MKX: variants seen among roughly 807,000 people sequenced by gnomAD.
MKX encodes homeobox protein Mohawk.
MKX carries 13 observed loss-of-function variants against 36.0 expected under a neutral mutation model. The ratio of observed to expected loss-of-function variants is 0.36; its 90% CI spans 0.24 to 0.57. The LOEUF is 0.57. MKX is among the 20% of genes least tolerant of loss of function. The pLI is 0.79. For missense variants in MKX, 458 were observed against 456.4 expected (o/e 1.00, Z -0.03); for synonymous variants, 176 against 178.3 (o/e 0.99, Z 0.10).
rs1309641907 is a variant in MKX at position 27,725,675 on chromosome 10, A to G, written c.838+8781T>C. 6.8e-5 allele frequency among the ~76,000 whole-genome samples: 10 copies of G among 147,394 alleles called. No homozygotes were observed. In the Admixed American group the frequency reaches 6.8e-4, roughly 10 times the overall value. On this transcript the variant is annotated intron_variant, in intron 5 of 6. Coordinates refer to ENST00000419761, the MANE Select transcript of MKX (RefSeq NM_173576.3). ...AGGAAAAAACTAACTGCAACTAACAAAAAAAAAAAAGAAGGGAGAAAAGAA... is the reference window on the plus strand; with the variant it reads ...AGGAAAAAACTAACTGCAACTAACAGAAAAAAAAAAGAAGGGAGAAAAGAA...
intron 5 of MKX, among the ~76,000 whole-genome samples, chr10:27,682,664 G>A (rs1836275116): frequency 6.6e-6 from 1 of 152,160 alleles, no homozygotes; most frequent in Admixed American, 6.6e-5. Context: ...CGGATCATCA[G>A]GCATTAGTTA....
At chr10:27,690,285 C>G (rs1394009300) in intron 5 of MKX, among the ~76,000 whole-genome samples, 1 of 53,476 alleles carries the variant, frequency 1.9e-5, no homozygotes, top group Non-Finnish European at 4.3e-5. Flanking sequence ...GCCAGAGATT[C>G]ATTTGAGCCC....
At chr10:27,686,740 G>A (rs1161552748) in intron 5 of MKX, among the ~76,000 whole-genome samples, 2 of 152,126 alleles carry the variant, frequency 1.3e-5, no homozygotes, top group Admixed American at 6.5e-5. Context: ...GCCTCCCAAA[G>A]TGTTGGGATT....
chr10:27,711,473 TTCTTTCTTTC>T (rs1354854617), intron 5 of MKX, among the ~76,000 whole-genome samples: 13 of 7,022 alleles, frequency 1.9e-3, no homozygotes, highest in African/African-American at 3.0e-3. Flanking sequence ...CTTTCTTTCT[TTCTTTCTTTC>T]TCTCTCTCTC....
At chr10:27,701,820 T>G in intron 5 of MKX, among the ~76,000 whole-genome samples, 1 of 36,086 alleles carries the variant, frequency 2.8e-5, no homozygotes, top group African/African-American at 8.8e-5. Flanking sequence ...TTTGTGTGTG[T>G]GTGTGTGTAT....
chr10:27,730,506 G>A (rs1327684159), intron 5 of MKX, among the ~76,000 whole-genome samples: 1 of 148,772 alleles, frequency 6.7e-6, no homozygotes, highest in African/African-American at 2.5e-5. Context: ...CACCCAGGCT[G>A]GAGTGCAGTG....
At chr10:27,728,438 C>T (rs185537375) in intron 5 of MKX, among the ~76,000 whole-genome samples, 11 of 152,334 alleles carry the variant, frequency 7.2e-5, no homozygotes, top group Admixed American at 1.3e-4. Flanking sequence ...TCTTTTTAAA[C>T]CTTTCTTCTG....
At chr10:27,701,247 C>CA (rs1202992178) in intron 5 of MKX, among the ~76,000 whole-genome samples, 1 of 148,604 alleles carries the variant, frequency 6.7e-6, no homozygotes, top group Non-Finnish European at 1.5e-5. Flanking sequence ...TTTTAATAAA[C>CA]AAGGGTTTTC....
At chr10:27,725,968 AG>A (rs1399330576) in intron 5 of MKX, among the ~76,000 whole-genome samples, 1 of 152,152 alleles carries the variant, frequency 6.6e-6, no homozygotes, top group Non-Finnish European at 1.5e-5. Context: ...TAGAAGCCCT[AG>A]GGAATGAGAA....
chr10:27,711,542 T>C (rs1439023792), intron 5 of MKX, among the ~76,000 whole-genome samples: 1 of 135,006 alleles, frequency 7.4e-6, no homozygotes, highest in East Asian at 2.3e-4. Context: ...TTCCTTCCTT[T>C]TTCTTTCTTT....
chr10:27,675,199 C>T lies in MKX; in HGVS notation c.*30G>A. ...GGGTTGATGAAAACACCGGAAAGAA[C>T]ATCCATTGGATCTGAAAAGCAACAA... On this transcript the variant is annotated 3_prime_UTR_variant, in exon 7 of 7. Transcript: ENST00000419761. 1 of 1,600,978 alleles carries T rather than the reference C, an allele frequency of 6.2e-7. No individual in the cohort carries two copies. The highest frequency in any genetic ancestry group is 8.5e-7 in the Non-Finnish European group (1 of 1,172,324).
intron 5 of MKX, among the ~76,000 whole-genome samples, chr10:27,695,064 AG>A (rs1341971385): frequency 6.6e-6 from 1 of 152,138 alleles, no homozygotes; most frequent in Non-Finnish European, 1.5e-5. Flanking sequence ...ACAAGAAACC[AG>A]GAACTGTGAG....
chr10:27,676,436 G>A (rs1391129731), intron 5 of MKX, among the ~76,000 whole-genome samples: 3 of 146,628 alleles, frequency 2.0e-5, no homozygotes, highest in Non-Finnish European at 4.5e-5. Context: ...GGAGTGCAGT[G>A]CTGTGATCTC....
intron 3 of MKX, among the ~76,000 whole-genome samples, chr10:27,739,726 ATGAAAG>A: frequency 6.6e-6 from 1 of 152,310 alleles, no homozygotes; most frequent in South Asian, 2.1e-4. Flanking sequence ...TGTTTTCTGT[ATGAAAG>A]AATAGTCTCT....
intron 5 of MKX, among the ~76,000 whole-genome samples, chr10:27,693,991 G>A (rs1241691991): frequency 6.6e-6 from 1 of 152,078 alleles, no homozygotes; most frequent in Non-Finnish European, 1.5e-5. Flanking sequence ...TTCACAAGGG[G>A]TTTCCCCTTT....
chr10:27,703,527 A>AT (rs966646030), intron 5 of MKX, among the ~76,000 whole-genome samples: 4 of 151,702 alleles, frequency 2.6e-5, no homozygotes, highest in Non-Finnish European at 1.5e-5. Flanking sequence ...TGGAAAAAAA[A>AT]AATAAAAGAG....
In MKX at chr10:27,734,337, A is replaced by G. The variant is rs1834699686; in HGVS notation, c.838+119T>C. On this transcript the variant is annotated intron_variant, in intron 5 of 6. Transcript: ENST00000419761. ...AAAACGAAAGCTTTAAAACTGAATT[A>G]TGGGCAATATGTGAATAATCTGATG... 2.1e-5 allele frequency: 19 copies of G among 887,270 alleles called. No homozygotes were observed. The South Asian group carries it at 3.3e-4, about 16-fold the overall frequency. The allele number at this position is 887,270 out of a possible 1,614,324, so 55.0% of individuals were successfully genotyped here.
At chr10:27,703,406 AACCAT>A (rs11278013) in intron 5 of MKX, among the ~76,000 whole-genome samples, 121,410 of 151,432 alleles carry the variant, frequency 0.8, 48,732 homozygotes, top group Admixed American at 0.84. Context: ...CAAAGTCTAA[AACCAT>A]AATATGAGCA....
intron 5 of MKX, among the ~76,000 whole-genome samples, chr10:27,701,714 G>T: frequency 1.5e-5 from 2 of 137,818 alleles, no homozygotes; most frequent in African/African-American, 2.7e-5. Context: ...TATTGTATAT[G>T]ACATATTTAT....
Sources: allele counts gnomAD v4.1 joint callset (sites outside exome capture counted in the v4.1 genomes callset), GRCh38; gene constraint gnomAD v4.1.1; transcripts MANE v1.5; gene names NCBI Gene and HGNC (gene_info 2026-07-23, HGNC 2026-07-21).